The following ADGRL2 variants were observed in gnomAD, a reference collection of about 807,000 sequenced individuals.
The protein encoded by ADGRL2 is adhesion G protein-coupled receptor L2, also known as calcium-independent alpha-latrotoxin receptor 2.
ADGRL2 carries 44 observed loss-of-function variants against 157.4 expected under a neutral mutation model. The observed-to-expected ratio is 0.28, with a 90% confidence interval of 0.22 to 0.36. The LOEUF is 0.36. Ranked by LOEUF, ADGRL2 falls within the 10% of genes least tolerant of loss-of-function variation. The probability of loss-of-function intolerance (pLI) is 1.00; values close to 1 mark genes in which losing one functional copy is unlikely to be tolerated. For synonymous variants in ADGRL2, 585 were observed against 624.7 expected (o/e 0.94, Z 0.95); for missense variants, 1,510 against 1,768.9 (o/e 0.85, Z 2.63).
chr1:81,669,267 T>G (rs1401312185), intron 3 of ADGRL2, among the ~76,000 whole-genome samples: 20 of 152,068 alleles, frequency 1.3e-4, no homozygotes, highest in Admixed American at 1.3e-3. Flanking sequence ...ATAAGACTTT[T>G]AGCCGCCACT....
chr1:81,838,955 A>G (rs1336550453), intron 2 of ADGRL2, among the ~76,000 whole-genome samples: 1 of 151,962 alleles, frequency 6.6e-6, no homozygotes, highest in Non-Finnish European at 1.5e-5. Context: ...GTAAGAGTAT[A>G]CATAGTTAAT....
intron 1 of ADGRL2, among the ~76,000 whole-genome samples, chr1:81,818,955 AG>A (rs1399452562): frequency 6.6e-6 from 1 of 152,148 alleles, no homozygotes; most frequent in East Asian, 1.9e-4. Flanking sequence ...ATAGTGCCTT[AG>A]GGGGAATGTG....
At chr1:81,563,972 T>C (rs1467238003) in intron 2 of ADGRL2, among the ~76,000 whole-genome samples, 1 of 152,210 alleles carries the variant, frequency 6.6e-6, no homozygotes, top group African/African-American at 2.4e-5. Context: ...GTAGGTAGAT[T>C]CTTTTACAGA....
intron 11 of ADGRL2, among the ~76,000 whole-genome samples, chr1:81,958,047 G>T (rs1347836415): frequency 1.3e-5 from 2 of 151,952 alleles, no homozygotes; most frequent in Non-Finnish European, 1.5e-5. Flanking sequence ...ATCACCTGAG[G>T]TCAGGAGTTC....
intron 3 of ADGRL2, 139 bp downstream of exon 3, chr1:81,907,369 G>A (rs2094604758): frequency 1.6e-5 from 10 of 616,902 alleles, no homozygotes; most frequent in East Asian, 2.8e-5. Flanking sequence ...ACCTACTAAT[G>A]TTGATATCTA....
In ADGRL2 at chr1:81,993,633, A is replaced by G. The variant is rs1198389560; in HGVS notation, c.*2488A>G. On this transcript the variant is annotated 3_prime_UTR_variant, in exon 24 of 24. Transcript: ENST00000686636. ...TTAAAGCATTTCTTTTCAAAAATAT[A>G]TAAATATTGCCTTAAATTCCATCTA... 6.6e-6 allele frequency among the ~76,000 whole-genome samples: 1 copy of G among 152,202 alleles called. No individual in the cohort carries two copies. The highest frequency in any genetic ancestry group is 1.5e-5 in the Non-Finnish European group (1 of 68,034).
rs146078876 is a variant in ADGRL2 at position 81,922,152 on chromosome 1, C to A, written c.288-14576C>A. 5.3e-3 allele frequency among the ~76,000 whole-genome samples: 812 copies of A among 152,194 alleles called. 6 individuals are homozygous for A. Among genetic ancestry groups the A allele is most frequent in the African/African-American group, 0.019 (773 of 41,532 alleles). ...TCTCCCTTATAGTGTAACAAACTTT[C>A]AAAAGCTGGTGGAGAAGGGAAAGTG... On this transcript the variant is annotated intron_variant, in intron 3 of 23. Transcript: ENST00000686636.
chr1:81,708,282 A>G (rs1237111168), intron 1 of ADGRL2, among the ~76,000 whole-genome samples: 3 of 152,142 alleles, frequency 2.0e-5, no homozygotes, highest in East Asian at 3.8e-4. Flanking sequence ...AATGCTTTTC[A>G]TTATATTTAT....
rs1474701777 is a variant in ADGRL2 at position 81,743,998 on chromosome 1, T to A, written c.-142-17813T>A. Among the ~76,000 whole-genome samples, 3 of 152,184 alleles carry A rather than the reference T, an allele frequency of 2.0e-5. No individual in the cohort carries two copies. In the East Asian group the frequency reaches 5.8e-4, roughly 29 times the overall value. ...TAGATGTAGCTGATGATCAAATGTA[T>A]TTACTGTGGGAAAACTAAGATTGGA... On this transcript the variant is annotated intron_variant, in intron 1 of 20. Transcript: ENST00000359929.
chr1:81,676,955 C>T (rs892462555), intron 3 of ADGRL2, among the ~76,000 whole-genome samples: 12 of 149,622 alleles, frequency 8.0e-5, no homozygotes, highest in Admixed American at 1.3e-4. Context: ...AGATTACAGG[C>T]GTGAGCCACT....
At chr1:81,913,599 T>C (rs993772075) in intron 3 of ADGRL2, among the ~76,000 whole-genome samples, 1 of 152,172 alleles carries the variant, frequency 6.6e-6, no homozygotes, top group Non-Finnish European at 1.5e-5. Context: ...TTGTTAGAGC[T>C]ACGGAGGAGC....
chr1:81,380,837 T>G lies in ADGRL2; in HGVS notation c.-301-64199T>G, dbSNP rs568239069. Among the ~76,000 whole-genome samples, 6 of 152,202 alleles carry G rather than the reference T, an allele frequency of 3.9e-5. No individual in the cohort carries two copies. In the South Asian group the frequency reaches 1.2e-3, roughly 32 times the overall value. ...TTTGATAATCTTAACTGTTTATTCTTTTTAAATGAATGGTAGGAAAAAAAA... is the reference window on the plus strand; with the variant it reads ...TTTGATAATCTTAACTGTTTATTCTGTTTAAATGAATGGTAGGAAAAAAAA... On this transcript the variant is annotated intron_variant, in intron 1 of 24. Transcript: ENST00000370721.
upstream of ADGRL2, among the ~76,000 whole-genome samples, chr1:81,697,408 C>T (rs1397093207): frequency 2.6e-5 from 4 of 151,998 alleles, no homozygotes; most frequent in Non-Finnish European, 4.4e-5. Context: ...TTGATTGTTG[C>T]CAATCTGAAG....
intron 3 of ADGRL2, among the ~76,000 whole-genome samples, chr1:81,595,402 G>T (rs1389925440): frequency 6.6e-6 from 1 of 152,080 alleles, no homozygotes; most frequent in East Asian, 1.9e-4. Context: ...ACATCTCAAG[G>T]GTATTTTTGC....
At chr1:81,575,889 C>T (rs1270453799) in intron 2 of ADGRL2, among the ~76,000 whole-genome samples, 2 of 152,058 alleles carry the variant, frequency 1.3e-5, no homozygotes, top group Non-Finnish European at 2.9e-5. Flanking sequence ...CAAATTTATA[C>T]TACACAGAAT....
chr1:81,842,633 T>A (rs968402296), intron 2 of ADGRL2, among the ~76,000 whole-genome samples: 6 of 152,008 alleles, frequency 3.9e-5, no homozygotes, highest in Non-Finnish European at 8.8e-5. Context: ...TGGGATTATA[T>A]GCATGAGACA....
intron 1 of ADGRL2, among the ~76,000 whole-genome samples, chr1:81,379,373 C>T (rs1308412280): frequency 3.9e-5 from 6 of 152,124 alleles, no homozygotes; most frequent in African/African-American, 1.4e-4. Context: ...TTAATTTAGC[C>T]GTCTGTATGC....
chr1:81,661,588 A>G (rs574504723), intron 3 of ADGRL2, among the ~76,000 whole-genome samples: 7 of 152,176 alleles, frequency 4.6e-5, no homozygotes, highest in Non-Finnish European at 1.0e-4. Context: ...TTAAAAAATG[A>G]CCTTACACAG....
intron 11 of ADGRL2, among the ~76,000 whole-genome samples, chr1:81,963,147 T>G (rs1368447922): frequency 2.0e-5 from 3 of 147,130 alleles, no homozygotes; most frequent in Non-Finnish European, 4.5e-5. Flanking sequence ...AAATCAGATT[T>G]GTTCCTAGAC....
Sources: gnomAD v4.1 joint callset for allele counts (sites outside exome capture counted in the v4.1 genomes callset) on GRCh38, gnomAD v4.1.1 for gene constraint, MANE v1.5 for transcripts, NCBI Gene and HGNC (gene_info 2026-07-23, HGNC 2026-07-21) for gene names.